Variants in PDGFB observed in about 807,000 individuals in gnomAD.
The protein encoded by PDGFB is platelet derived growth factor subunit B, also known as platelet-derived growth factor subunit B.
A neutral mutation model predicts 29.0 loss-of-function variants in PDGFB; 6 were observed. The ratio of observed to expected loss-of-function variants is 0.21; its 90% confidence interval spans 0.11 to 0.41. The LOEUF (loss-of-function observed/expected upper bound fraction) is 0.41, where lower values mean the gene tolerates loss of function less well. PDGFB is among the 10% of genes least tolerant of loss of function. The pLI is 1.00. For synonymous variants in PDGFB, 144 were observed against 140.8 expected (o/e 1.02, Z -0.16); for missense variants, 299 against 341.8 (o/e 0.87, Z 0.99).
At chr22:39,238,917 C>G (rs751696961) in intron 1 of PDGFB, among the ~76,000 whole-genome samples, 17 of 152,364 alleles carry the variant, frequency 1.1e-4, no homozygotes, top group Non-Finnish European at 2.1e-4. Context: ...CACCACCCTT[C>G]AGGGCACAGG....
intron 2 of PDGFB, among the ~76,000 whole-genome samples, chr22:39,235,043 G>A (rs563551597): frequency 5.3e-5 from 8 of 152,298 alleles, no homozygotes; most frequent in East Asian, 1.9e-4. Flanking sequence ...GAAAGGGCCC[G>A]GGAATGCTTT....
rs554648396 is a variant in PDGFB, at chr22:39,244,317, G to T, written c.-354C>A. On this transcript the variant is annotated 5_prime_UTR_variant, in exon 1 of 7. Coordinates refer to ENST00000331163, the MANE Select transcript of PDGFB (RefSeq NM_002608.4). The surrounding 1 kb of genome is among the most constrained non-coding windows in gnomAD (Gnocchi z 4.5). Reference sequence around the variant, plus strand: ...CCCAGGGGACTCCAACCTCCAAGAGGAAAAGGAACACGGCAGTCGATGGTT... The same window carrying T: ...CCCAGGGGACTCCAACCTCCAAGAGTAAAAGGAACACGGCAGTCGATGGTT... 138 of 207,382 alleles carry T rather than the reference G, an allele frequency of 6.7e-4. 2 individuals are homozygous for T. In the East Asian group the frequency reaches 9.7e-3, roughly 15 times the overall value. The allele number at this position is 207,382 out of a possible 1,614,324, so 12.8% of individuals were successfully genotyped here.
At chr22:39,232,213 T>C (rs1397586474) in intron 3 of PDGFB, among the ~76,000 whole-genome samples, 2 of 152,244 alleles carry the variant, frequency 1.3e-5, no homozygotes, top group East Asian at 1.9e-4. Flanking sequence ...TTTATGCAGG[T>C]ACCATATTAG....
chr22:39,244,493 T>A lies in PDGFB; in HGVS notation c.-530A>T, dbSNP rs1377304202. 5.6e-6 allele frequency: 1 copy of A among 177,148 alleles called. No individual in the cohort carries two copies. Among genetic ancestry groups the A allele is most frequent in the Admixed American group, 6.3e-5 (1 of 15,800 alleles). 11.0% of individuals were successfully genotyped at this position (177,148 alleles called of 1,614,324 possible). On this transcript the variant is annotated 5_prime_UTR_variant, in exon 1 of 7. In the 5' UTR this introduces an upstream ATG that the reference lacks. Transcript: ENST00000331163. This position sits in a 1 kb window ranked among gnomAD's most constrained non-coding sequence, Gnocchi z 4.5. ...CCAAAAAACTTTTTCCAAAGTTGGC[T>A]TTGCAACGGCAGCTCGAGCACCCGG... is the stretch of plus-strand genomic sequence containing the variant.
intron 1 of PDGFB, among the ~76,000 whole-genome samples, chr22:39,237,493 G>T (rs1022019708): frequency 6.6e-6 from 1 of 152,194 alleles, no homozygotes; most frequent in Non-Finnish European, 1.5e-5. Context: ...GGGGCTGCAC[G>T]TGCAAGACAG....
Position 39,243,939 on chromosome 22 carries a change from G to A in PDGFB, c.25C>T (p.Leu9=), listed in dbSNP as rs1019702702. Residue 9 remains leucine (L), a synonymous_variant, in exon 1 of 7, where the codon CTG becomes TTG. Transcript: ENST00000331163. The surrounding 1 kb of genome is among the most constrained non-coding windows in gnomAD (Gnocchi z 6.4). The stretch of plus-strand genomic sequence containing the variant: ...AGACGCAGGTAGCAGCAGAGAGACA[G>A]GAAGAGCGCCCAGCAGCGATTCATG... MNRCWALF[L]SLCCYLRLVS... 1.2e-6 allele frequency: 2 copies of A among 1,606,658 alleles called. No individual in the cohort carries two copies. Among genetic ancestry groups the A allele is most frequent in the East Asian group, 2.3e-5 (1 of 44,436 alleles).
chr22:39,240,840 T>C, intron 1 of PDGFB: 1 of 1,613,688 alleles, frequency 6.2e-7, no homozygotes, highest in Non-Finnish European at 8.5e-7. Flanking sequence ...AGACAAGACG[T>C]GGAGAGGTAC....
At position 39,233,349 on chromosome 22, in the gene PDGFB, G is replaced by A. The variant is rs1215701093; in HGVS notation, c.250+86C>T. 3.6e-5 allele frequency: 34 copies of A among 937,448 alleles called. No individual in the cohort carries two copies. In the Admixed American group the frequency reaches 4.4e-4, roughly 12 times the overall value. The allele number at this position is 937,448 out of a possible 1,614,324, so 58.1% of individuals were successfully genotyped here. A position where few individuals can be genotyped will look rare whatever the true frequency, so the allele number is the denominator to read the frequency against. ...CGGGAGTTGTAAGAGGACCCTCGGGGCCCTCCGACTGGCTGCCCGCCCCCG... is the reference window on the plus strand; with the variant it reads ...CGGGAGTTGTAAGAGGACCCTCGGGACCCTCCGACTGGCTGCCCGCCCCCG... On this transcript the variant is annotated intron_variant, in intron 3 of 6. Transcript: ENST00000331163.
chr22:39,228,972 T>C (rs776908201), intron 5 of PDGFB, among the ~76,000 whole-genome samples: 1 of 151,502 alleles, frequency 6.6e-6, no homozygotes, highest in Non-Finnish European at 1.5e-5. Flanking sequence ...ATTTACAACA[T>C]GTCAGTTTGA....
At position 39,243,737 on chromosome 22, in the gene PDGFB, ACCCCCGGACCTCGCT is replaced by A. The variant is rs934752898; in HGVS notation, c.63+149_63+163del. Among the ~76,000 whole-genome samples the A allele has an allele frequency of 3.3e-5, 5 of 151,428 alleles. No homozygotes were observed. Among genetic ancestry groups the A allele is most frequent in the Admixed American group, 3.3e-4 (5 of 15,236 alleles). On this transcript the variant is annotated intron_variant, in intron 1 of 6. Transcript: ENST00000331163. The surrounding 1 kb of genome is among the most constrained non-coding windows in gnomAD (Gnocchi z 6.4). ...CTGTTGCCTTCCCTTAGAGCCTGTC[ACCCCCGGACCTCGCT>A]CCCAGCCCGAAGAGGTCACCCAGCG...
intron 1 of PDGFB, among the ~76,000 whole-genome samples, chr22:39,236,760 G>C (rs963006944): frequency 1.3e-5 from 2 of 152,206 alleles, no homozygotes; most frequent in Non-Finnish European, 2.9e-5. Flanking sequence ...GCAGATGGGA[G>C]ACTGAGAATC....
chr22:39,230,330 A>G (rs977419415), intron 4 of PDGFB, 102 bp from the exon 5 acceptor site: 8 of 1,223,282 alleles, frequency 6.5e-6, no homozygotes, highest in Non-Finnish European at 9.4e-6. Flanking sequence ...CCCTGCAGCA[A>G]TCTTTCCTCG....
rs1932319556 is a variant in PDGFB at position 39,231,946 on chromosome 22, T to G, written c.251-119A>C. On this transcript the variant is annotated intron_variant, in intron 3 of 6. Coordinates refer to ENST00000331163, the MANE Select transcript of PDGFB (RefSeq NM_002608.4). The surrounding 1 kb of genome is among the most constrained non-coding windows in gnomAD (Gnocchi z 4.3). ...TTTCTCACGCCCTTCAACCCCAGGG[T>G]TCAGGTTTCAAGTCCTGGCTGTCAT... 1.2e-6 allele frequency: 1 copy of G among 809,152 alleles called. No homozygotes were observed. Among genetic ancestry groups the G allele is most frequent in the Non-Finnish European group, 1.9e-6 (1 of 518,226 alleles). 50.1% of individuals were successfully genotyped at this position (809,152 alleles called of 1,614,324 possible).
At position 39,230,216 on chromosome 22, in the gene PDGFB, C is replaced by T. The variant is rs201990837; in HGVS notation, c.469G>A (p.Glu157Lys). ...QLRPVQVRKI[E>K]IVRKKPIFKK... ...AAGATTGGCTTCTTCCGCACAATCT[C>T]GATCTTTCTCACCTGGAGGACAGAG... Residue 157 changes from glutamate to lysine, a missense_variant, in exon 5 of 7, where the codon GAG becomes AAG. Glu to Lys is a moderately conservative substitution (Grantham distance 56). Coordinates refer to ENST00000331163, the MANE Select transcript of PDGFB (RefSeq NM_002608.4). 4.3e-6 allele frequency: 7 copies of T among 1,613,762 alleles called. No homozygotes were observed. Among genetic ancestry groups the T allele is most frequent in the Non-Finnish European group, 5.9e-6 (7 of 1,180,044 alleles).
intron 5 of PDGFB, among the ~76,000 whole-genome samples, chr22:39,227,536 G>C (rs964232499): frequency 4.3e-4 from 66 of 151,870 alleles, no homozygotes; most frequent in Non-Finnish European, 5.6e-4. Context: ...CTTCACGGCA[G>C]GTGCTGTTAC....
chr22:39,237,007 C>A (rs573155189), intron 1 of PDGFB, among the ~76,000 whole-genome samples: 5 of 152,162 alleles, frequency 3.3e-5, no homozygotes, highest in African/African-American at 1.2e-4. Flanking sequence ...GAAGGGAGGA[C>A]TTCCCTTCTT....
At chr22:39,238,848 G>A (rs1383269973) in intron 1 of PDGFB, among the ~76,000 whole-genome samples, 2 of 152,274 alleles carry the variant, frequency 1.3e-5, no homozygotes. Flanking sequence ...GGCATCGCTG[G>A]TGGCCACAAC....
In PDGFB at chr22:39,233,528, C is replaced by T. The variant is rs1376756789; in HGVS notation, c.161-4G>A. The T allele has an allele frequency of 6.3e-7, 1 of 1,579,630 alleles. No individual in the cohort carries two copies. Among genetic ancestry groups the T allele is most frequent in the Middle Eastern group, 1.7e-4 (1 of 5,960 alleles). ...TCCAACTCGGCCCCATCTTCCTCTG[C>T]AGGAGAAGTCACAGTCAGACACCAG... On this transcript the variant is annotated splice_polypyrimidine_tract_variant and splice_region_variant and intron_variant, in intron 2 of 6. Transcript: ENST00000331163.
chr22:39,235,937 T>A, intron 1 of PDGFB, 63 bp from the exon 2 acceptor site: 1 of 1,089,578 alleles, frequency 9.2e-7, no homozygotes, highest in Non-Finnish European at 1.4e-6. Flanking sequence ...CATGGCTGTC[T>A]CCCCCACCAC....
Sources: gnomAD v4.1 joint callset for allele counts (sites outside exome capture counted in the v4.1 genomes callset) on GRCh38, gnomAD v4.1.1 for gene constraint, Gnocchi (gnomAD v3.1) non-coding constraint, MANE v1.5 for transcripts, NCBI Gene and HGNC (gene_info 2026-07-23, HGNC 2026-07-21) for gene names.